LAMB3: variants seen among roughly 807,000 people sequenced by gnomAD.
LAMB3 encodes the protein laminin subunit beta 3.
LAMB3 carries 104 observed loss-of-function variants against 140.3 expected under a neutral mutation model. That is an observed-to-expected ratio of 0.74 (90% CI 0.63 to 0.87). LAMB3 has a LOEUF of 0.87. Ranked by LOEUF, LAMB3 falls within the 40% of genes least tolerant of loss-of-function variation. The probability of loss-of-function intolerance (pLI) is 0.00; values close to 1 mark genes in which losing one functional copy is unlikely to be tolerated. For synonymous variants in LAMB3, 592 were observed against 602.9 expected (o/e 0.98, Z 0.26); for missense variants, 1,531 against 1,575.2 (o/e 0.97, Z 0.47).
rs145977001 is a variant in LAMB3 at position 209,622,631 on chromosome 1, C to A, written c.2606G>T (p.Arg869Leu). 1 of 1,614,148 alleles carries A rather than the reference C, an allele frequency of 6.2e-7. No homozygotes were observed. Among genetic ancestry groups the A allele is most frequent in the Admixed American group, 1.7e-5 (1 of 60,016 alleles). ...SASQIQSSAQ[R>L]LETQVSASRS... ...GCTGGCGCTCACCTGGGTCTCCAAG[C>A]GCTGGGCACTGGATTGAATCTGTGA... is the stretch of plus-strand genomic sequence containing the variant. The change falls in exon 18 of 23, where the codon CGC becomes CTC. Residue 869 changes from arginine (R) to leucine (L), a missense_variant. Arg to Leu is a moderately radical substitution (Grantham distance 102). Coordinates refer to ENST00000356082, the MANE Select transcript of LAMB3 (RefSeq NM_000228.3).
intron 1 of LAMB3, chr1:209,651,192 C>A (rs1320778337): frequency 1.8e-6 from 1 of 555,512 alleles, no homozygotes; most frequent in Non-Finnish European, 3.3e-6. Flanking sequence ...TCACAGGGTG[C>A]CCTGGGAAAA....
In LAMB3 at chr1:209,627,418, C is replaced by G; in HGVS notation, c.1450G>C (p.Asp484His). ...SGQGCEPCAC[D>H]PHNSLSPQCN... ...TGTGGGCTGAGGGAGTTGTGCGGGT[C>G]GCAGGCACACGGTTCACAGCCCTGG... is the stretch of plus-strand genomic sequence containing the variant. The change falls in exon 12 of 23, where the codon GAC becomes CAC. Residue 484 changes from aspartate (D) to histidine (H), a missense_variant. Asp to His is a moderately conservative substitution (Grantham distance 81). Coordinates refer to ENST00000356082, the MANE Select transcript of LAMB3 (RefSeq NM_000228.3). 1 of 1,613,722 alleles carries G rather than the reference C, an allele frequency of 6.2e-7. No homozygotes were observed. The highest frequency in any genetic ancestry group is 8.5e-7 in the Non-Finnish European group (1 of 1,179,946).
In LAMB3 at chr1:209,623,313, G is replaced by A. The variant is rs1290667308; in HGVS notation, c.2359-134C>T. On this transcript the variant is annotated intron_variant, in intron 16 of 22. Transcript: ENST00000356082. This position sits in a 1 kb window ranked among gnomAD's most constrained non-coding sequence, Gnocchi z 4.2. Reference sequence around the variant, plus strand: ...CAGAAACAGCCAGACATCTCCATGAGAGCTAAGGACCAGAAACTGGTTTCC... The same window carrying A: ...CAGAAACAGCCAGACATCTCCATGAAAGCTAAGGACCAGAAACTGGTTTCC... 4 of 1,053,548 alleles carry A rather than the reference G, an allele frequency of 3.8e-6. No individual in the cohort carries two copies. The highest frequency in any genetic ancestry group is 2.6e-5 in the East Asian group (1 of 38,850). 65.3% of individuals were successfully genotyped at this position (1,053,548 alleles called of 1,614,324 possible).
At chr1:209,622,712 A>G (rs758013702) in intron 17 of LAMB3, 32 bp from the exon 18 acceptor site, 2 of 1,613,758 alleles carry the variant, frequency 1.2e-6, no homozygotes, top group African/African-American at 2.7e-5. Flanking sequence ...CAGAAGGGGT[A>G]AGGCCCCAAG....
Position 209,614,999 on chromosome 1 carries a change from T to C in LAMB3, c.*272A>G, listed in dbSNP as rs1347827671. 3 of 450,782 alleles carry C rather than the reference T, an allele frequency of 6.7e-6. No individual in the cohort carries two copies. The highest frequency in any genetic ancestry group is 3.7e-5 in the Admixed American group (1 of 26,886). The allele number at this position is 450,782 out of a possible 1,614,324, so 27.9% of individuals were successfully genotyped here. A position where few individuals can be genotyped will look rare whatever the true frequency, so the allele number is the denominator to read the frequency against. On this transcript the variant is annotated 3_prime_UTR_variant, in exon 23 of 23. Transcript: ENST00000356082. Reference sequence around the variant, plus strand: ...CCAGTGGAGAACTAAAGGCGGGGGATACTGCCCAGCCCAGCTTCCTTGACT... The same window carrying C: ...CCAGTGGAGAACTAAAGGCGGGGGACACTGCCCAGCCCAGCTTCCTTGACT...
intron 3 of LAMB3, among the ~76,000 whole-genome samples, chr1:209,642,467 TTTTG>T (rs560984228): frequency 4.6e-5 from 6 of 131,700 alleles, no homozygotes; most frequent in East Asian, 2.8e-4. Flanking sequence ...GTTTAAGCTT[TTTTG>T]TTTGTTTGTT....
At position 209,628,137 on chromosome 1, in the gene LAMB3, T is replaced by G; in HGVS notation, c.1186A>C (p.Thr396Pro). The change falls in exon 11 of 23, where the codon ACC becomes CCC. Residue 396 changes from threonine to proline, a missense_variant. Coordinates refer to ENST00000356082, the MANE Select transcript of LAMB3 (RefSeq NM_000228.3). Reference protein sequence around the residue: ...AVPGAPCDPVTGQCVCKEHVQ... With the variant: ...AVPGAPCDPVPGQCVCKEHVQ... Reference sequence around the variant, plus strand: ...TGCTCCTTGCACACACACTGCCCGGTCACTGGGTCACAGGGAGCCCCTGGC... The same window carrying G: ...TGCTCCTTGCACACACACTGCCCGGGCACTGGGTCACAGGGAGCCCCTGGC... 6.3e-7 allele frequency: 1 copy of G among 1,577,978 alleles called. No homozygotes were observed. The highest frequency in any genetic ancestry group is 8.6e-7 in the Non-Finnish European group (1 of 1,160,942).
chr1:209,637,807 C>T, intron 5 of LAMB3, 101 bp downstream of exon 5: 2 of 966,428 alleles, frequency 2.1e-6, no homozygotes. Flanking sequence ...GTGAGTGTTG[C>T]CCCAACCCAG....
intron 3 of LAMB3, among the ~76,000 whole-genome samples, chr1:209,647,257 T>C (rs913974069): frequency 6.6e-6 from 1 of 152,172 alleles, no homozygotes; most frequent in Admixed American, 6.5e-5. Context: ...GGAGGTAACA[T>C]GCAAACAGGC....
Position 209,634,525 on chromosome 1 carries a change from C to T in LAMB3, c.486G>A (p.Gln162=). ...CATCCTGCCAGCTCTGAGGCCGACC[C>T]TGGCGGACCCGAGGGAAGGTGGAGG... ...DCTSTFPRVR[Q]GRPQSWQDVR... The change falls in exon 6 of 23, where the codon CAG becomes CAA. Residue 162 remains glutamine (Q), a synonymous_variant. Coordinates refer to ENST00000356082, the MANE Select transcript of LAMB3 (RefSeq NM_000228.3). 6.2e-7 allele frequency: 1 copy of T among 1,614,186 alleles called. No individual in the cohort carries two copies. The highest frequency in any genetic ancestry group is 1.1e-5 in the South Asian group (1 of 91,078).
intron 18 of LAMB3, 128 bp downstream of exon 18, chr1:209,622,405 AAGG>A (rs1666231114): frequency 4.6e-6 from 5 of 1,085,644 alleles, no homozygotes; most frequent in South Asian, 1.3e-5. Flanking sequence ...CCATGGTGCC[AAGG>A]AGAAGTGGAG....
chr1:209,642,396 G>T (rs550983290), intron 3 of LAMB3, among the ~76,000 whole-genome samples: 1 of 152,228 alleles, frequency 6.6e-6, no homozygotes, highest in Admixed American at 6.5e-5. Context: ...AGTTCAACCT[G>T]ATATCTCTGG....
At chr1:209,628,289 C>G in intron 10 of LAMB3, 99 bp from the exon 11 acceptor site, 2 of 1,329,664 alleles carry the variant, frequency 1.5e-6, no homozygotes, top group Non-Finnish European at 2.1e-6. Context: ...CTTGTTCCAC[C>G]ACTGGATTTC....
In LAMB3 at chr1:209,623,135, G is replaced by C; in HGVS notation, c.2403C>G (p.Cys801Trp). The change falls in exon 17 of 23, where the codon TGC becomes TGG. Residue 801 changes from cysteine (C) to tryptophan (W), a missense_variant. Transcript: ENST00000356082. The surrounding 1 kb of genome is among the most constrained non-coding windows in gnomAD (Gnocchi z 4.2). ...TGTCTTGGGGACATAGCTCACCAGG[G>C]CATGATATTGGGGTGCAAGCCATCT... is the stretch of plus-strand genomic sequence containing the variant. ...SRQMACTPIS[C>W]PGELCPQDNG... is the part of the protein sequence containing the mutation. The C allele has an allele frequency of 1.2e-6, 2 of 1,614,240 alleles. No homozygotes were observed. Among genetic ancestry groups the C allele is most frequent in the Non-Finnish European group, 1.7e-6 (2 of 1,180,040 alleles).
At position 209,623,901 on chromosome 1, in the gene LAMB3, G is replaced by A. The variant is rs140248040; in HGVS notation, c.2076C>T (p.Leu692=). 1,610 of 1,614,130 alleles carry A rather than the reference G, an allele frequency of 1.0e-3. 10 individuals carry two copies. The highest frequency in any genetic ancestry group is 6.6e-4 in the Non-Finnish European group (779 of 1,180,004). Residue 692 remains leucine (L), a synonymous_variant, in exon 15 of 23, where the codon CTC becomes CTT. Coordinates refer to ENST00000356082, the MANE Select transcript of LAMB3 (RefSeq NM_000228.3). This position sits in a 1 kb window ranked among gnomAD's most constrained non-coding sequence, Gnocchi z 4.2. ...CCCTCTTCCTCTGATACATAGTAAG[G>A]AGACCATTGAAGCTTCTGTCAAGAC... ...LESLDRSFNG[L]LTMYQRKREQ... is the part of the protein sequence containing the mutation.
rs2102405115 is a variant in LAMB3, at chr1:209,617,572, C to T, written c.3066G>A (p.Leu1022=). ...TTGTCACCAGCTTTTCTGCTGGCCGCAGTACCTGCTGAACCTTTGTGGAAA... is the reference window on the plus strand; with the variant it reads ...TTGTCACCAGCTTTTCTGCTGGCCGTAGTACCTGCTGAACCTTTGTGGAAA... The part of the protein sequence containing the change: ...QDRVAEVQQV[L]RPAEKLVTSM... Residue 1022 remains leucine, a synonymous_variant, in exon 21 of 23, where the codon CTG becomes CTA. Transcript: ENST00000356082. The T allele has an allele frequency of 6.2e-7, 1 of 1,613,998 alleles. No homozygotes were observed. The highest frequency in any genetic ancestry group is 8.5e-7 in the Non-Finnish European group (1 of 1,180,012).
chr1:209,648,644 C>A lies in LAMB3; in HGVS notation c.183+1320G>T, dbSNP rs7552177. ...CAGTGTTAAGCCAAAAGCCCCAGGC[C>A]TGGAGGAGGAGAAACTTTTCAGACA... On this transcript the variant is annotated intron_variant, in intron 3 of 22. Coordinates refer to ENST00000356082, the MANE Select transcript of LAMB3 (RefSeq NM_000228.3). Among the ~76,000 whole-genome samples, 862 of 152,192 alleles carry A rather than the reference C, an allele frequency of 5.7e-3. 11 individuals are homozygous for A. The highest frequency in any genetic ancestry group is 0.02 in the African/African-American group (814 of 41,504).
chr1:209,631,988 G>C (rs1191629499), intron 8 of LAMB3, among the ~76,000 whole-genome samples: 1 of 152,214 alleles, frequency 6.6e-6, no homozygotes, highest in Non-Finnish European at 1.5e-5. Context: ...TCTACCTGTG[G>C]TTCTCAAGCT....
chr1:209,627,828 C>T (rs1191128296), intron 11 of LAMB3, among the ~76,000 whole-genome samples: 1 of 152,264 alleles, frequency 6.6e-6, no homozygotes, highest in Non-Finnish European at 1.5e-5. Flanking sequence ...ACGTGTGCTG[C>T]CACCTGCTGG....
Sources: gnomAD v4.1 joint callset for allele counts (sites outside exome capture counted in the v4.1 genomes callset) on GRCh38, gnomAD v4.1.1 for gene constraint, Gnocchi (gnomAD v3.1) non-coding constraint, MANE v1.5 for transcripts, NCBI Gene and HGNC (gene_info 2026-07-23, HGNC 2026-07-21) for gene names.